IP6K2: variants seen among roughly 807,000 people sequenced by gnomAD.
IP6K2 encodes the protein inositol hexakisphosphate kinase 2.
A neutral mutation model predicts 43.3 loss-of-function variants in IP6K2; 9 were observed. That is an observed-to-expected ratio of 0.21 (90% CI 0.13 to 0.36). The LOEUF is 0.36. Among genes scored for constraint, IP6K2 ranks in the 10% least tolerant of loss-of-function variants. The pLI, the probability that IP6K2 is intolerant of heterozygous loss-of-function variation, is 1.00. For missense variants in IP6K2, 332 were observed against 538.4 expected (o/e 0.62, Z 3.79); for synonymous variants, 209 against 202.4 (o/e 1.03, Z -0.28).
chr3:48,703,959 G>C (rs1335050910), intron 1 of IP6K2, among the ~76,000 whole-genome samples: 1 of 151,990 alleles, frequency 6.6e-6, no homozygotes, highest in African/African-American at 2.4e-5. Flanking sequence ...AGGCATGGTG[G>C]CACATGCCTG....
intron 2 of IP6K2, chr3:48,693,903 C>G (rs2078015123): frequency 3.1e-6 from 4 of 1,275,294 alleles, no homozygotes; most frequent in Non-Finnish European, 4.0e-6. Context: ...CCTTAAGTCT[C>G]TAGAACCTGC....
Position 48,695,883 on chromosome 3 carries a change from T to A in IP6K2, c.-130-462A>T, listed in dbSNP as rs1261146464. On this transcript the variant is annotated intron_variant, in intron 1 of 5. Transcript: ENST00000328631. The surrounding 1 kb of genome is among the most constrained non-coding windows in gnomAD (Gnocchi z 4.6). Reference sequence around the variant, plus strand: ...AAATAAATATATATATATAATTTTTTAATATATATAATTTTTTTTTGAGAT... The same window carrying A: ...AAATAAATATATATATATAATTTTTAAATATATATAATTTTTTTTTGAGAT... Among the ~76,000 whole-genome samples, 1 of 147,846 alleles carries A rather than the reference T, an allele frequency of 6.8e-6. No homozygotes were observed. The highest frequency in any genetic ancestry group is 1.9e-4 in the East Asian group (1 of 5,156).
At chr3:48,694,364 G>A (rs2078075983) in intron 2 of IP6K2, 1 of 1,544,936 alleles carries the variant, frequency 6.5e-7, no homozygotes, top group Admixed American at 2.0e-5. Flanking sequence ...TAAAGACAAT[G>A]TTTCAACAGT....
chr3:48,715,281 CCT>C (rs2081068522), intron 1 of IP6K2: 1 of 1,535,976 alleles, frequency 6.5e-7, no homozygotes, highest in Non-Finnish European at 8.7e-7. Context: ...CCCAGTGCAT[CCT>C]CTTTATGAGC....
At chr3:48,715,551 TTA>T in intron 1 of IP6K2, 1 of 1,243,498 alleles carries the variant, frequency 8.0e-7, no homozygotes, top group Non-Finnish European at 1.1e-6. Context: ...AAGAAATCTA[TTA>T]TATCTGTTAC....
Position 48,689,601 on chromosome 3 carries a change from G to A in IP6K2, c.717C>T (p.Asn239=). 1 of 1,614,180 alleles carries A rather than the reference G, an allele frequency of 6.2e-7. No individual in the cohort carries two copies. ...GDDASEEKAA[N]QIRKCQQSTS... is the part of the protein sequence containing the mutation. ...TGCTCTGCTGACATTTTCGGATCTG[G>A]TTGGCTGCCTTCTCCTCTGAAGCAT... The change falls in exon 5 of 6, where the codon AAC becomes AAT. Residue 239 remains asparagine, a synonymous_variant. Coordinates refer to ENST00000328631, the MANE Select transcript of IP6K2 (RefSeq NM_016291.4).
Position 48,695,399 on chromosome 3 carries a change from C to G in IP6K2, c.-108G>C. The G allele has an allele frequency of 6.9e-7, 1 of 1,452,960 alleles. No homozygotes were observed. The highest frequency in any genetic ancestry group is 9.1e-7 in the Non-Finnish European group (1 of 1,101,758). 90.0% of individuals were successfully genotyped at this position (1,452,960 alleles called of 1,614,324 possible). A position where few individuals can be genotyped will look rare whatever the true frequency, so the allele number is the denominator to read the frequency against. On this transcript the variant is annotated 5_prime_UTR_variant, in exon 2 of 6. Transcript: ENST00000328631. This position sits in a 1 kb window ranked among gnomAD's most constrained non-coding sequence, Gnocchi z 4.6. ...TGTCCCTCTCGTCTTGGCTCCTTGG[C>G]TTGTTCTGGCCAGGATGCTCTGCTG...
chr3:48,700,519 C>T (rs1025703622), intron 1 of IP6K2, among the ~76,000 whole-genome samples: 13 of 152,192 alleles, frequency 8.5e-5, no homozygotes, highest in Non-Finnish European at 1.8e-4. Flanking sequence ...CACATTGCCT[C>T]ACATTTGTCC....
intron 1 of IP6K2, chr3:48,715,419 G>A (rs1314054504): frequency 6.5e-7 from 1 of 1,536,130 alleles, no homozygotes. Context: ...TTGGAAGGGA[G>A]ACTGGCAAAG....
intron 1 of IP6K2, among the ~76,000 whole-genome samples, chr3:48,702,091 CATG>C (rs975813727): frequency 1.4e-4 from 21 of 151,920 alleles, no homozygotes; most frequent in Admixed American, 1.2e-3. Context: ...ATGAGCTGGA[CATG>C]GTGGTGGACA....
chr3:48,688,213 C>G lies in IP6K2; in HGVS notation c.*60G>C. ...CTGGCCATACTGGCTTCCTCCCTGA[C>G]GCAGCACAGCTGTGCCTGGGACACA... On this transcript the variant is annotated 3_prime_UTR_variant, in exon 6 of 6. Transcript: ENST00000328631. The surrounding 1 kb of genome is among the most constrained non-coding windows in gnomAD (Gnocchi z 5.1). The G allele has an allele frequency of 3.8e-6, 6 of 1,572,188 alleles. No individual in the cohort carries two copies. In the South Asian group the frequency reaches 5.9e-5, roughly 16 times the overall value.
rs192881285 is a variant in IP6K2 at position 48,696,168 on chromosome 3, C to A, written c.-130-747G>T. On this transcript the variant is annotated intron_variant, in intron 1 of 5. Coordinates refer to ENST00000328631, the MANE Select transcript of IP6K2 (RefSeq NM_016291.4). ...AAAGTGCTGGGATTACAGGTGTGAG[C>A]GACCGCACCCAGCCCCATTAATTAT... Among the ~76,000 whole-genome samples the A allele has an allele frequency of 3.9e-5, 6 of 151,902 alleles. No homozygotes were observed. The East Asian group carries it at 9.7e-4, about 24-fold the overall frequency.
At chr3:48,689,103 G>A (rs971671816) in intron 5 of IP6K2, among the ~76,000 whole-genome samples, 1 of 152,224 alleles carries the variant, frequency 6.6e-6, no homozygotes, top group East Asian at 1.9e-4. Flanking sequence ...GATCATGCAG[G>A]CATGCATGCT....
chr3:48,694,485 C>A, intron 2 of IP6K2: 1 of 1,547,912 alleles, frequency 6.5e-7, no homozygotes, highest in Non-Finnish European at 8.7e-7. Context: ...TCCCCCACTC[C>A]CCAACAAAGA....
At chr3:48,703,870 C>T (rs2079367700) in intron 1 of IP6K2, among the ~76,000 whole-genome samples, 1 of 152,028 alleles carries the variant, frequency 6.6e-6, no homozygotes, top group South Asian at 2.1e-4. Flanking sequence ...GCGGGCAGAT[C>T]ACTTGAGGCC....
chr3:48,697,198 T>C (rs1486805006), intron 1 of IP6K2, among the ~76,000 whole-genome samples: 1 of 151,816 alleles, frequency 6.6e-6, no homozygotes, highest in Admixed American at 6.6e-5. Context: ...TTTTTTGTAT[T>C]TTTAGTAGAG....
intron 1 of IP6K2, among the ~76,000 whole-genome samples, chr3:48,712,670 C>T (rs747762490): frequency 3.9e-5 from 6 of 152,078 alleles, no homozygotes; most frequent in Non-Finnish European, 8.8e-5. Flanking sequence ...GAGCTATGAT[C>T]GCTGCACTGC....
intron 1 of IP6K2, among the ~76,000 whole-genome samples, chr3:48,696,429 G>A (rs1393272060): frequency 2.0e-5 from 3 of 152,056 alleles, no homozygotes; most frequent in African/African-American, 7.2e-5. Context: ...CAGTGTTCTA[G>A]GTCACTATTT....
intron 1 of IP6K2, among the ~76,000 whole-genome samples, chr3:48,706,406 T>C (rs773772564): frequency 3.3e-5 from 5 of 151,846 alleles, no homozygotes; most frequent in South Asian, 2.1e-4. Flanking sequence ...TCTCTAATCA[T>C]ACCACTGAGC....
Sources: allele counts gnomAD v4.1 joint callset (sites outside exome capture counted in the v4.1 genomes callset), GRCh38; gene constraint gnomAD v4.1.1; non-coding constraint Gnocchi (gnomAD v3.1); transcripts MANE v1.5; gene names NCBI Gene and HGNC (gene_info 2026-07-23, HGNC 2026-07-21).